Variants in ADAR observed in about 807,000 individuals in gnomAD.
ADAR encodes adenosine deaminase RNA specific.
Under a neutral mutation model 113.2 loss-of-function variants are expected in ADAR, and 41 were observed. That is an observed-to-expected ratio of 0.36 (90% CI 0.28 to 0.47). ADAR has a LOEUF of 0.47. Ranked by LOEUF, ADAR falls within the 20% of genes least tolerant of loss-of-function variation. The pLI, the probability that ADAR is intolerant of heterozygous loss-of-function variation, is 1.00. For missense variants in ADAR, 1,242 were observed against 1,540.9 expected (o/e 0.81, Z 3.25); for synonymous variants, 605 against 572.6 (o/e 1.06, Z -0.81).
At chr1:154,603,700 AG>A (rs1698024495) in intron 1 of ADAR, among the ~76,000 whole-genome samples, 1 of 152,006 alleles carries the variant, frequency 6.6e-6, no homozygotes, top group African/African-American at 2.4e-5. Context: ...TGATGGAGCC[AG>A]GAAGTACTTA....
rs1427182886 is a variant in ADAR at position 154,585,858 on chromosome 1, A to G, written c.3210T>C (p.Leu1070=). The G allele has an allele frequency of 6.2e-7, 1 of 1,614,002 alleles. No homozygotes were observed. Among genetic ancestry groups the G allele is most frequent in the Admixed American group, 1.7e-5 (1 of 60,000 alleles). ...CACGGGTCAGATGCCCTTGGCTGAAAAGGTAACCTGAGTACAAAAAAGAGA... is the reference window on the plus strand; with the variant it reads ...CACGGGTCAGATGCCCTTGGCTGAAGAGGTAACCTGAGTACAAAAAAGAGA... ...IYLKSVTLGY[L]FSQGHLTRAI... Residue 1070 remains leucine (L), a synonymous_variant, in exon 13 of 15, where the codon CTT becomes CTC. Transcript: ENST00000368474.
intron 3 of ADAR, 96 bp from the exon 4 acceptor site, chr1:154,598,072 C>T: frequency 7.0e-7 from 1 of 1,419,600 alleles, no homozygotes; most frequent in South Asian, 1.2e-5. Context: ...TTTATTCCCA[C>T]CACCTGTCAA....
intron 1 of ADAR, among the ~76,000 whole-genome samples, chr1:154,617,172 C>A (rs36121466): frequency 0.3 from 45,402 of 152,034 alleles, 6,801 homozygotes; most frequent in Non-Finnish European, 0.31. Flanking sequence ...CCAGATAACA[C>A]TGGCCAATAA....
chr1:154,585,944 G>C, intron 12 of ADAR, 79 bp from the exon 13 acceptor site: 1 of 1,350,866 alleles, frequency 7.4e-7, no homozygotes, highest in African/African-American at 1.4e-5. Flanking sequence ...TGGGGATTTT[G>C]GAGGTACAAG....
intron 1 of ADAR, among the ~76,000 whole-genome samples, chr1:154,614,045 A>C (rs1403133336): frequency 6.6e-6 from 1 of 152,196 alleles, no homozygotes; most frequent in Non-Finnish European, 1.5e-5. Context: ...TCAACTAGCT[A>C]TATGTGCCAG....
At chr1:154,611,386 C>T (rs1233942227), upstream of ADAR, among the ~76,000 whole-genome samples, 1 of 152,054 alleles carries the variant, frequency 6.6e-6, no homozygotes, top group Non-Finnish European at 1.5e-5. Context: ...TAACTGCAGA[C>T]AGTCTTATTC....
At chr1:154,614,142 T>C (rs1698568820) in intron 1 of ADAR, among the ~76,000 whole-genome samples, 1 of 152,180 alleles carries the variant, frequency 6.6e-6, no homozygotes, top group Non-Finnish European at 1.5e-5. Context: ...AACAGGCCTG[T>C]GTGCAATCTT....
chr1:154,605,551 T>C (rs1368450672), intron 1 of ADAR, among the ~76,000 whole-genome samples: 1 of 152,066 alleles, frequency 6.6e-6, no homozygotes, highest in Non-Finnish European at 1.5e-5. Flanking sequence ...ACAGTACTGA[T>C]GAGGGGCTTC....
rs147800502 is a variant in ADAR, at chr1:154,596,868, C to T, written c.2207G>A (p.Arg736His). ...NPVGGLLEYA[R>H]SHGFAAEFKL... is the part of the protein sequence containing the mutation. ...GAATTCAGCAGCAAAGCCATGGGAG[C>T]GGGCGTACTCCAAAAGGCCACCCAC... Residue 736 changes from arginine (R) to histidine (H), a missense_variant, in exon 6 of 15, where the codon CGC becomes CAC. Arg to His is a conservative substitution (Grantham distance 29). Coordinates refer to ENST00000368474, the MANE Select transcript of ADAR (RefSeq NM_001111.5). 41 of 1,613,980 alleles carry T rather than the reference C, an allele frequency of 2.5e-5. No individual in the cohort carries two copies. Among genetic ancestry groups the T allele is most frequent in the South Asian group, 3.3e-5 (3 of 91,082 alleles).
intron 1 of ADAR, among the ~76,000 whole-genome samples, chr1:154,624,597 A>G (rs1698884073): frequency 6.6e-6 from 1 of 152,242 alleles, no homozygotes; most frequent in Non-Finnish European, 1.5e-5. Context: ...CTAGTGTACT[A>G]TTCCTACAAT....
At chr1:154,588,505 A>ACAGCCTGGCAGGGCC in intron 10 of ADAR, 46 bp downstream of exon 10, 1 of 1,610,476 alleles carries the variant, frequency 6.2e-7, no homozygotes, top group Non-Finnish European at 8.5e-7. Context: ...CCCAATTCTA[A>ACAGCCTGGCAGGGCC]CAGCCTGGCA....
rs1052116257 is a variant in ADAR at position 154,606,019 on chromosome 1, C to G, written c.15+1973G>C. The stretch of plus-strand genomic sequence containing the variant: ...TAGTACTCACACGGTTATTTTTTTT[C>G]TTGTGAGACGGAGTCTCGCTCTGTT... On this transcript the variant is annotated intron_variant, in intron 1 of 14. Coordinates refer to ENST00000368474, the MANE Select transcript of ADAR (RefSeq NM_001111.5). The G allele has an allele frequency of 1.5e-5, 14 of 921,600 alleles. No homozygotes were observed. In the African/African-American group the frequency reaches 2.3e-4, roughly 15 times the overall value. The allele number at this position is 921,600 out of a possible 1,614,324, so 57.1% of individuals were successfully genotyped here. A position where few individuals can be genotyped will look rare whatever the true frequency, so the allele number is the denominator to read the frequency against.
intron 13 of ADAR, 89 bp downstream of exon 13, chr1:154,585,664 C>A: frequency 1.7e-6 from 2 of 1,177,720 alleles, no homozygotes; most frequent in Non-Finnish European, 1.3e-6. Context: ...GCAATGTTCC[C>A]CTTGCCCACA....
chr1:154,585,367 G>A (rs999558472), intron 13 of ADAR, 23 bp from the exon 14 acceptor site: 5 of 1,613,890 alleles, frequency 3.1e-6, no homozygotes, highest in African/African-American at 1.3e-5. Flanking sequence ...GAAGCAACGG[G>A]AGAAAGATGG....
At position 154,607,981 on chromosome 1, in the gene ADAR, G is replaced by T; in HGVS notation, c.15+11C>A. ...AGACGGCGGCGAAGGTCCAAGGCCG[G>T]CCCGGCTTACCTGCCGCGGATTCAT... On this transcript the variant is annotated intron_variant, in intron 1 of 14. Transcript: ENST00000368474. 1 of 1,610,702 alleles carries T rather than the reference G, an allele frequency of 6.2e-7. No homozygotes were observed. The highest frequency in any genetic ancestry group is 8.5e-7 in the Non-Finnish European group (1 of 1,178,818).
At chr1:154,621,757 T>A (rs1450485456) in intron 1 of ADAR, among the ~76,000 whole-genome samples, 1 of 152,168 alleles carries the variant, frequency 6.6e-6, no homozygotes, top group Non-Finnish European at 1.5e-5. Context: ...CAGGCATTGC[T>A]GATGGCAGTG....
chr1:154,605,436 ATT>A (rs35160350), intron 1 of ADAR, among the ~76,000 whole-genome samples: 40 of 147,026 alleles, frequency 2.7e-4, no homozygotes, highest in African/African-American at 4.0e-4. Flanking sequence ...GAGCTACTGG[ATT>A]TTTTTTTTTT....
Position 154,596,758 on chromosome 1 carries a change from C to G in ADAR, c.2270+47G>C, listed in dbSNP as rs770121147. 7 of 1,606,804 alleles carry G rather than the reference C, an allele frequency of 4.4e-6. No homozygotes were observed. The South Asian group carries it at 7.7e-5, about 18-fold the overall frequency. On this transcript the variant is annotated intron_variant, in intron 6 of 14. Transcript: ENST00000368474. Reference sequence around the variant, plus strand: ...CCCTTGTTTTCCCTGGGTTACAGACCATCCCCAACTGGTGACACATGCATT... The same window carrying G: ...CCCTTGTTTTCCCTGGGTTACAGACGATCCCCAACTGGTGACACATGCATT...
At position 154,585,935 on chromosome 1, in the gene ADAR, G is replaced by A. The variant is rs148378344; in HGVS notation, c.3203-70C>T. ...ATGCTGTTAAGAGGCAGAAGCATGT[G>A]GGGATTTTGGAGGTACAAGATATAG... On this transcript the variant is annotated intron_variant, in intron 12 of 14. Coordinates refer to ENST00000368474, the MANE Select transcript of ADAR (RefSeq NM_001111.5). The A allele has an allele frequency of 1.5e-4, 211 of 1,414,840 alleles. No individual in the cohort carries two copies. In the East Asian group the frequency reaches 4.9e-3, roughly 33 times the overall value. 87.6% of individuals were successfully genotyped at this position (1,414,840 alleles called of 1,614,324 possible). A position where few individuals can be genotyped will look rare whatever the true frequency, so the allele number is the denominator to read the frequency against.
Sources: allele counts gnomAD v4.1 joint callset (sites outside exome capture counted in the v4.1 genomes callset), GRCh38; gene constraint gnomAD v4.1.1; transcripts MANE v1.5; gene names NCBI Gene and HGNC (gene_info 2026-07-23, HGNC 2026-07-21).